The following TBXAS1 variants were observed in gnomAD, a reference collection of about 807,000 sequenced individuals.
TBXAS1 encodes thromboxane A synthase 1.
TBXAS1 carries 48 observed loss-of-function variants against 60.7 expected under a neutral mutation model. The observed-to-expected ratio is 0.79, with a 90% CI of 0.63 to 1.01. The LOEUF (loss-of-function observed/expected upper bound fraction) is 1.01. Among genes scored for constraint, TBXAS1 ranks in the 50% least tolerant of loss-of-function variants. TBXAS1 has a pLI of 0.00. For missense variants in TBXAS1, 685 were observed against 686.3 expected, an observed-to-expected ratio of 1.00 and a Z score of 0.02; for synonymous variants, 287 against 269.7, an observed-to-expected ratio of 1.06 and a Z score of -0.63.
Position 139,953,487 on chromosome 7 carries a change from G to A in TBXAS1, c.539+31G>A, listed in dbSNP as rs367841595. On this transcript the variant is annotated intron_variant, in intron 6 of 12. Coordinates refer to ENST00000448866, the MANE Select transcript of TBXAS1 (RefSeq NM_001061.7). ...GCTGCTGCATTACAGATGAGAAATC[G>A]AGTTTTTGAATCACTGCTTCTTGTA... 8.1e-6 allele frequency: 13 copies of A among 1,602,074 alleles called. No individual in the cohort carries two copies. In the Admixed American group the frequency reaches 1.0e-4, roughly 12 times the overall value.
chr7:139,813,481 T>C (rs1798073093), intron 4 of TBXAS1, among the ~76,000 whole-genome samples: 1 of 152,224 alleles, frequency 6.6e-6, no homozygotes, highest in African/African-American at 2.4e-5. Flanking sequence ...ATGTTTCACA[T>C]GGAAGAATAG....
chr7:139,815,235 A>AAG (rs1424804362), intron 4 of TBXAS1, among the ~76,000 whole-genome samples: 2 of 152,172 alleles, frequency 1.3e-5, no homozygotes, highest in Non-Finnish European at 2.9e-5. Context: ...GACAGATGGA[A>AAG]AGAGAGAGAG....
At chr7:139,898,015 C>T (rs1273284543) in intron 3 of TBXAS1, among the ~76,000 whole-genome samples, 2 of 152,236 alleles carry the variant, frequency 1.3e-5, no homozygotes, top group Admixed American at 6.5e-5. Context: ...CCCCAGGACT[C>T]TGGGGACCCT....
At chr7:139,846,322 G>T (rs1404967219) in intron 1 of TBXAS1, among the ~76,000 whole-genome samples, 1 of 152,242 alleles carries the variant, frequency 6.6e-6, no homozygotes, top group Non-Finnish European at 1.5e-5. Flanking sequence ...TTTGGAATCA[G>T]ATCTCCTGGA....
upstream of TBXAS1, among the ~76,000 whole-genome samples, chr7:139,826,956 T>C (rs1201431374): frequency 6.6e-6 from 1 of 152,200 alleles, no homozygotes; most frequent in Non-Finnish European, 1.5e-5. Context: ...GATATACCTG[T>C]AGCTCAAGTT....
At chr7:139,811,129 G>T (rs936327528) in intron 4 of TBXAS1, among the ~76,000 whole-genome samples, 3 of 152,192 alleles carry the variant, frequency 2.0e-5, no homozygotes, top group Non-Finnish European at 4.4e-5. Context: ...CTTATTTTTT[G>T]ACTGGATTCA....
intron 4 of TBXAS1, among the ~76,000 whole-genome samples, chr7:139,794,813 T>C (rs1797506814): frequency 1.3e-5 from 2 of 151,422 alleles, no homozygotes; most frequent in Non-Finnish European, 2.9e-5. Flanking sequence ...TGTTTTCCAG[T>C]TTCATCCATG....
chr7:139,832,564 A>T (rs1798779541), intron 1 of TBXAS1, among the ~76,000 whole-genome samples: 1 of 152,236 alleles, frequency 6.6e-6, no homozygotes, highest in Non-Finnish European at 1.5e-5. Flanking sequence ...AAAGTTCCCC[A>T]GTCTAGCTAG....
At chr7:139,891,809 C>T (rs1038344345) in intron 3 of TBXAS1, among the ~76,000 whole-genome samples, 1 of 152,136 alleles carries the variant, frequency 6.6e-6, no homozygotes, top group Non-Finnish European at 1.5e-5. Flanking sequence ...AAGGAAACTT[C>T]AAACAGGAAG....
At chr7:139,914,806 C>T (rs1805839833) in intron 4 of TBXAS1, among the ~76,000 whole-genome samples, 1 of 152,164 alleles carries the variant, frequency 6.6e-6, no homozygotes, top group South Asian at 2.1e-4. Flanking sequence ...ATATGGCTTT[C>T]ACTCTAGCTT....
intron 3 of TBXAS1, among the ~76,000 whole-genome samples, chr7:139,891,229 T>C (rs2116931559): frequency 6.6e-6 from 1 of 150,728 alleles, no homozygotes. Context: ...TCTTGCCCTA[T>C]GATTATAATA....
At chr7:139,978,557 AT>A (rs771015170) in intron 9 of TBXAS1, among the ~76,000 whole-genome samples, 2 of 152,040 alleles carry the variant, frequency 1.3e-5, no homozygotes, top group Non-Finnish European at 2.9e-5. Context: ...AATAAGAATT[AT>A]CAGTCATTGA....
chr7:140,015,893 G>T, intron 11 of TBXAS1, 33 bp downstream of exon 11: 2 of 1,612,608 alleles, frequency 1.2e-6, no homozygotes, highest in Non-Finnish European at 1.7e-6. Context: ...AGCTCTGAAG[G>T]GATGTGAGTG....
At chr7:139,828,535 C>T (rs927052408), upstream of TBXAS1, among the ~76,000 whole-genome samples, 1 of 152,150 alleles carries the variant, frequency 6.6e-6, no homozygotes, top group Non-Finnish European at 1.5e-5. Context: ...TTTTTTCTTG[C>T]AGTTGATCTG....
intron 4 of TBXAS1, among the ~76,000 whole-genome samples, chr7:139,814,742 C>T (rs1489008619): frequency 3.3e-5 from 5 of 152,098 alleles, no homozygotes; most frequent in Admixed American, 3.3e-4. Context: ...GCCAGGGGTG[C>T]TATGAAGGTA....
intron 1 of TBXAS1, 46 bp from the exon 2 acceptor site, chr7:139,872,189 A>G: frequency 1.3e-6 from 2 of 1,542,666 alleles, no homozygotes; most frequent in Non-Finnish European, 9.0e-7. Context: ...CTAAAGCATG[A>G]GTGCAACTTC....
intron 6 of TBXAS1, among the ~76,000 whole-genome samples, chr7:139,955,218 T>C (rs1187562150): frequency 6.6e-6 from 1 of 152,088 alleles, no homozygotes. Context: ...TCCCAGGTCT[T>C]TGTTTAGACG....
chr7:139,866,334 G>A (rs1166017246), intron 1 of TBXAS1, among the ~76,000 whole-genome samples: 1 of 152,076 alleles, frequency 6.6e-6, no homozygotes, highest in Non-Finnish European at 1.5e-5. Flanking sequence ...GAATGGTTTA[G>A]TAAATTATAA....
chr7:139,904,224 T>A (rs1804795917), intron 3 of TBXAS1, among the ~76,000 whole-genome samples: 1 of 152,070 alleles, frequency 6.6e-6, no homozygotes, highest in Non-Finnish European at 1.5e-5. Context: ...ACTTCATGTT[T>A]TTGTTTGCTT....
Sources: allele counts gnomAD v4.1 joint callset (sites outside exome capture counted in the v4.1 genomes callset), GRCh38; gene constraint gnomAD v4.1.1; transcripts MANE v1.5; gene names NCBI Gene and HGNC (gene_info 2026-07-23, HGNC 2026-07-21).